The following RERG variants were observed in gnomAD, a reference collection of about 807,000 sequenced individuals.
RERG encodes the protein RAS like estrogen regulated growth inhibitor, also known as ras-related and estrogen-regulated growth inhibitor.
RERG carries 25 observed loss-of-function variants against 23.2 expected under a neutral mutation model. The observed-to-expected ratio is 1.08, with a 90% confidence interval of 0.79 to 1.50. The LOEUF (loss-of-function observed/expected upper bound fraction) is 1.50. Ranked by LOEUF, RERG falls within the 40% of genes most tolerant of loss-of-function variation. RERG has a pLI of 0.00. For missense variants in RERG, 253 were observed against 250.1 expected (o/e 1.01, Z -0.08); for synonymous variants, 81 against 89.1 (o/e 0.91, Z 0.51).
At chr12:15,174,535 G>T (rs1864820551) in intron 2 of RERG, among the ~76,000 whole-genome samples, 1 of 150,746 alleles carries the variant, frequency 6.6e-6, no homozygotes, top group Admixed American at 6.6e-5. Context: ...GGCAGTTTTG[G>T]GCCATAATTT....
intron 2 of RERG, among the ~76,000 whole-genome samples, chr12:15,199,683 A>G (rs1218388967): frequency 1.3e-5 from 2 of 152,142 alleles, no homozygotes; most frequent in Non-Finnish European, 2.9e-5. Flanking sequence ...ACAGACACAC[A>G]CACACACTCA....
At chr12:15,193,014 T>G (rs1865093122) in intron 2 of RERG, among the ~76,000 whole-genome samples, 1 of 152,246 alleles carries the variant, frequency 6.6e-6, no homozygotes, top group African/African-American at 2.4e-5. Flanking sequence ...AAGTTACCAC[T>G]TTTCTCTTTG....
chr12:15,171,326 C>T (rs1038626373), intron 2 of RERG, among the ~76,000 whole-genome samples: 1 of 152,178 alleles, frequency 6.6e-6, no homozygotes, highest in Admixed American at 6.5e-5. Flanking sequence ...AGACTTTGAA[C>T]AAATATTTTA....
At chr12:15,181,022 C>T (rs1049330589) in intron 2 of RERG, among the ~76,000 whole-genome samples, 1 of 152,192 alleles carries the variant, frequency 6.6e-6, no homozygotes, top group African/African-American at 2.4e-5. Context: ...CCCACCCCCT[C>T]CCCTCGCTGG....
intron 2 of RERG, among the ~76,000 whole-genome samples, chr12:15,206,125 A>ATC (rs1865286625): frequency 6.6e-6 from 1 of 152,070 alleles, no homozygotes; most frequent in Admixed American, 6.6e-5. Flanking sequence ...TCCCACTATT[A>ATC]TCATATAGCA....
chr12:15,167,291 T>C (rs1303192333), intron 2 of RERG, among the ~76,000 whole-genome samples: 1 of 152,062 alleles, frequency 6.6e-6, no homozygotes, highest in East Asian at 1.9e-4. Flanking sequence ...CTTTGTTCTG[T>C]AGTGAATTTA....
chr12:15,165,628 T>C (rs112395586), intron 2 of RERG, among the ~76,000 whole-genome samples: 6,229 of 152,002 alleles, frequency 0.041, 404 homozygotes, highest in African/African-American at 0.14. Flanking sequence ...AACTAACAAC[T>C]CTCCCCAGAT....
At chr12:15,110,337 G>A (rs141926161) in intron 4 of RERG, among the ~76,000 whole-genome samples, 58 of 151,970 alleles carry the variant, frequency 3.8e-4, no homozygotes, top group African/African-American at 1.3e-3. Flanking sequence ...TGGAAAAGTG[G>A]GTAATTCATT....
chr12:15,182,609 G>A (rs6488765), intron 2 of RERG, among the ~76,000 whole-genome samples: 21,071 of 152,164 alleles, frequency 0.14, 2,068 homozygotes, highest in African/African-American at 0.27. Context: ...AGCCAATTGT[G>A]ATGCAATAGC....
rs141976442 is a variant in RERG at position 15,185,505 on chromosome 12, C to A, written c.61+31924G>T. On this transcript the variant is annotated intron_variant, in intron 2 of 4. Transcript: ENST00000256953. ...GCCCCTACCTCCCGCTAGGTGAAGA[C>A]ACCTCAGTTAGTGTCAAGAAACACT... is the stretch of plus-strand genomic sequence containing the variant. 3.4e-3 allele frequency among the ~76,000 whole-genome samples: 517 copies of A among 152,228 alleles called. 5 individuals are homozygous for A. The highest frequency in any genetic ancestry group is 5.0e-3 in the Admixed American group (77 of 15,272).
chr12:15,122,454 A>G lies in RERG; in HGVS notation c.62-1335T>C, dbSNP rs118068597. ...TGAGGACTTCGCAAAACAGAGCACA[A>G]CGTGGCTTCTTGACCAGGGGCCGGA... On this transcript the variant is annotated intron_variant, in intron 2 of 4. Transcript: ENST00000256953. 2.7e-3 allele frequency among the ~76,000 whole-genome samples: 416 copies of G among 152,254 alleles called. 2 individuals are homozygous for G. The highest frequency in any genetic ancestry group is 4.5e-3 in the Non-Finnish European group (303 of 68,016).
At chr12:15,213,996 ATGTG>A (rs59427690) in intron 2 of RERG, among the ~76,000 whole-genome samples, 38,234 of 130,474 alleles carry the variant, frequency 0.29, 5,046 homozygotes, top group East Asian at 0.44. Context: ...CAGAGAAAGT[ATGTG>A]TGTGTGTGTG....
chr12:15,119,323 A>G (rs950535151), intron 3 of RERG, among the ~76,000 whole-genome samples: 6 of 152,218 alleles, frequency 3.9e-5, no homozygotes, highest in African/African-American at 1.4e-4. Context: ...ACAAAAGAGA[A>G]AATGGTTAAA....
At chr12:15,215,409 G>A (rs776999724) in intron 2 of RERG, among the ~76,000 whole-genome samples, 1 of 152,168 alleles carries the variant, frequency 6.6e-6, no homozygotes, top group African/African-American at 2.4e-5. Flanking sequence ...TACGGAGAGA[G>A]AGCAGCAAAG....
chr12:15,143,780 G>A (rs574313871), intron 2 of RERG, among the ~76,000 whole-genome samples: 13 of 152,296 alleles, frequency 8.5e-5, no homozygotes, highest in African/African-American at 3.1e-4. Context: ...GTAAAGCAGG[G>A]AGAAGAAAGA....
At chr12:15,154,674 C>T (rs919793139) in intron 2 of RERG, among the ~76,000 whole-genome samples, 3 of 152,142 alleles carry the variant, frequency 2.0e-5, no homozygotes, top group Non-Finnish European at 4.4e-5. Flanking sequence ...TGTGGCAGCT[C>T]GTTGGTCTCC....
chr12:15,210,092 C>T (rs187820863), intron 2 of RERG, among the ~76,000 whole-genome samples: 4 of 152,262 alleles, frequency 2.6e-5, no homozygotes, highest in Admixed American at 2.0e-4. Flanking sequence ...AACAGACATG[C>T]ATTTGCACTG....
At chr12:15,215,263 TTTGGG>T (rs1275882374) in intron 2 of RERG, among the ~76,000 whole-genome samples, 1 of 152,168 alleles carries the variant, frequency 6.6e-6, no homozygotes, top group Non-Finnish European at 1.5e-5. Context: ...TATCTTCAGC[TTTGGG>T]TGTGAGTAGC....
At chr12:15,119,148 G>A (rs536942133) in intron 3 of RERG, among the ~76,000 whole-genome samples, 62 of 152,294 alleles carry the variant, frequency 4.1e-4, no homozygotes, top group Non-Finnish European at 7.4e-4. Flanking sequence ...TACTCCTGAA[G>A]TCTGATGAAA....
Sources: allele counts gnomAD v4.1 joint callset (sites outside exome capture counted in the v4.1 genomes callset), GRCh38; gene constraint gnomAD v4.1.1; transcripts MANE v1.5; gene names NCBI Gene and HGNC (gene_info 2026-07-23, HGNC 2026-07-21).